Variants in GRM1 observed in about 807,000 individuals in gnomAD.
GRM1 encodes glutamate metabotropic receptor 1, also known as metabotropic glutamate receptor 1.
In GRM1, 33 loss-of-function variants were observed where a neutral mutation model predicts 90.9. The observed-to-expected ratio is 0.36, with a 90% CI of 0.28 to 0.49. GRM1 has a LOEUF of 0.49. Ranked by LOEUF, GRM1 falls within the 20% of genes least tolerant of loss-of-function variation. The pLI is 0.99. For synonymous variants in GRM1, 700 were observed against 613.2 expected (o/e 1.14, Z -2.09); for missense variants, 1,190 against 1,534.3 (o/e 0.78, Z 3.75).
intron 7 of GRM1, among the ~76,000 whole-genome samples, chr6:146,431,078 T>C (rs115958001): frequency 6.6e-6 from 1 of 152,362 alleles, no homozygotes; most frequent in African/African-American, 2.4e-5. Flanking sequence ...GTCTGTGAGA[T>C]GATACATTCC....
Position 146,048,756 on chromosome 6 carries a change from C to T in GRM1, c.700+18539C>T, listed in dbSNP as rs140193893. Reference sequence around the variant, plus strand: ...GAAGAACACAATTTGAAGATGAAGACGGAGATTGGGGTGATGCATCTGCAA... The same window carrying T: ...GAAGAACACAATTTGAAGATGAAGATGGAGATTGGGGTGATGCATCTGCAA... On this transcript the variant is annotated intron_variant, in intron 1 of 7. Transcript: ENST00000282753. 4.4e-3 allele frequency among the ~76,000 whole-genome samples: 664 copies of T among 151,966 alleles called. 5 individuals carry two copies. Among genetic ancestry groups the T allele is most frequent in the South Asian group, 7.9e-3 (38 of 4,824 alleles).
At chr6:146,394,907 C>T (rs145880102) in intron 6 of GRM1, among the ~76,000 whole-genome samples, 1 of 152,052 alleles carries the variant, frequency 6.6e-6, no homozygotes, top group East Asian at 1.9e-4. Flanking sequence ...CATTTTTTTC[C>T]AAATTAATTT....
chr6:146,262,831 T>C (rs1781750898), intron 2 of GRM1, among the ~76,000 whole-genome samples: 1 of 151,794 alleles, frequency 6.6e-6, no homozygotes, highest in African/African-American at 2.4e-5. Flanking sequence ...ACCCCAAATT[T>C]AAATGTATAC....
chr6:146,379,474 C>T (rs558079851), intron 5 of GRM1, among the ~76,000 whole-genome samples: 3 of 152,192 alleles, frequency 2.0e-5, no homozygotes, highest in East Asian at 3.9e-4. Context: ...ATTCTGAATT[C>T]CTTCTCTGTG....
rs564730411 is a variant in GRM1, at chr6:146,327,255, A to G, written c.1186+22409A>G. 1.2e-3 allele frequency among the ~76,000 whole-genome samples: 182 copies of G among 152,294 alleles called. 2 individuals are homozygous for G. The highest frequency in any genetic ancestry group is 4.2e-3 in the African/African-American group (173 of 41,574). On this transcript the variant is annotated intron_variant, in intron 3 of 7. Transcript: ENST00000282753. ...GGCTGTGATTCTTATGACTTTTTAA[A>G]ATATGGAAAGTTTGTATAATAAGGG...
chr6:146,284,298 G>A (rs756410309), intron 2 of GRM1, among the ~76,000 whole-genome samples: 2 of 152,194 alleles, frequency 1.3e-5, no homozygotes, highest in East Asian at 3.9e-4. Flanking sequence ...AAAAAGAAAG[G>A]AAAATATCAT....
intron 3 of GRM1, among the ~76,000 whole-genome samples, chr6:146,313,790 C>A (rs1375625047): frequency 6.6e-6 from 1 of 152,082 alleles, no homozygotes; most frequent in Non-Finnish European, 1.5e-5. Flanking sequence ...ACATTTACTG[C>A]AATTAAGATA....
intron 1 of GRM1, among the ~76,000 whole-genome samples, chr6:146,128,873 C>A (rs1776290802): frequency 6.6e-6 from 1 of 152,096 alleles, no homozygotes; most frequent in African/African-American, 2.4e-5. Flanking sequence ...TACAGACCAT[C>A]CCTTGCATTT....
intron 7 of GRM1, among the ~76,000 whole-genome samples, chr6:146,402,710 G>C (rs1777201754): frequency 1.3e-5 from 2 of 152,180 alleles, no homozygotes; most frequent in South Asian, 4.1e-4. Context: ...ATTGTTTTGA[G>C]GAGTTGCAAG....
chr6:146,194,934 C>T (rs1284756974), intron 2 of GRM1, among the ~76,000 whole-genome samples: 1 of 152,140 alleles, frequency 6.6e-6, no homozygotes, highest in Non-Finnish European at 1.5e-5. Flanking sequence ...TGTTACCTAA[C>T]CTCTCTGTGA....
intron 1 of GRM1, among the ~76,000 whole-genome samples, chr6:146,125,494 A>C (rs1583037815): frequency 7.7e-6 from 1 of 130,666 alleles, no homozygotes. Flanking sequence ...CACCTTTTCC[A>C]CCCTTGTGTA....
chr6:146,208,044 C>T lies in GRM1; in HGVS notation c.950+48447C>T, dbSNP rs377458699. 1.4e-4 allele frequency among the ~76,000 whole-genome samples: 22 copies of T among 152,258 alleles called. 1 individual carries two copies. Among genetic ancestry groups the T allele is most frequent in the African/African-American group, 5.3e-4 (22 of 41,552 alleles). On this transcript the variant is annotated intron_variant, in intron 2 of 7. Transcript: ENST00000282753. ...CAACAACCCTCAGGCTGCCTGTCAT[C>T]TTTCTCTGACTTCTCTTTTTTTCTT...
chr6:146,066,740 GT>G (rs1166801570), intron 1 of GRM1, among the ~76,000 whole-genome samples: 1 of 150,678 alleles, frequency 6.6e-6, no homozygotes, highest in East Asian at 2.0e-4. Flanking sequence ...TAGAGAACAG[GT>G]TTTACATAAT....
intron 2 of GRM1, among the ~76,000 whole-genome samples, chr6:146,225,406 A>G (rs1780204549): frequency 6.6e-6 from 1 of 152,172 alleles, no homozygotes; most frequent in South Asian, 2.1e-4. Flanking sequence ...GATATTCAGC[A>G]TTCTGTGGCC....
intron 2 of GRM1, among the ~76,000 whole-genome samples, chr6:146,251,266 C>T (rs1781261176): frequency 6.6e-6 from 1 of 152,148 alleles, no homozygotes. Flanking sequence ...TGTCTATTAT[C>T]CCTTCTTTCT....
At chr6:146,077,989 G>A (rs1413274455) in intron 1 of GRM1, among the ~76,000 whole-genome samples, 1 of 152,176 alleles carries the variant, frequency 6.6e-6, no homozygotes, top group Non-Finnish European at 1.5e-5. Context: ...CCCGATAAAG[G>A]TGCGCCATAT....
intron 1 of GRM1, among the ~76,000 whole-genome samples, chr6:146,101,104 T>A (rs1444665949): frequency 6.6e-6 from 1 of 152,096 alleles, no homozygotes; most frequent in East Asian, 1.9e-4. Flanking sequence ...TAAAAAAAAA[T>A]TCAGGAGAAA....
chr6:146,265,532 A>G, intron 2 of GRM1, among the ~76,000 whole-genome samples: 1 of 152,158 alleles, frequency 6.6e-6, no homozygotes, highest in East Asian at 1.9e-4. Context: ...TTTTTAGTTT[A>G]GTAGTCTCAT....
At chr6:146,042,689 A>G (rs1246980505) in intron 1 of GRM1, among the ~76,000 whole-genome samples, 1 of 152,050 alleles carries the variant, frequency 6.6e-6, no homozygotes, top group Admixed American at 6.6e-5. Flanking sequence ...TAGAGGAGCC[A>G]ATTGAGATGA....
Sources: gnomAD v4.1 joint callset for allele counts (sites outside exome capture counted in the v4.1 genomes callset) on GRCh38, gnomAD v4.1.1 for gene constraint, MANE v1.5 for transcripts, NCBI Gene and HGNC (gene_info 2026-07-23, HGNC 2026-07-21) for gene names.